The following CSMD3 variants were observed in gnomAD, a reference collection of about 807,000 sequenced individuals.
The protein encoded by CSMD3 is CUB and sushi domain-containing protein 3.
CSMD3 carries 177 observed loss-of-function variants against 435.2 expected under a neutral mutation model. That is an observed-to-expected ratio of 0.41 (90% confidence interval 0.36 to 0.46). CSMD3 has a LOEUF of 0.46. Ranked by LOEUF, CSMD3 falls within the 20% of genes least tolerant of loss-of-function variation. CSMD3 has a pLI of 0.34. For synonymous variants in CSMD3, 1,656 were observed against 1,520.5 expected (o/e 1.09, Z -2.07); for missense variants, 4,265 against 4,504.6 (o/e 0.95, Z 1.52).
intron 23 of CSMD3, among the ~76,000 whole-genome samples, chr8:112,586,210 C>G (rs1287038176): frequency 6.6e-6 from 1 of 151,054 alleles, no homozygotes; most frequent in Non-Finnish European, 1.5e-5. Context: ...CCTGCTGCAG[C>G]CAATTTGGAA....
intron 6 of CSMD3, among the ~76,000 whole-genome samples, chr8:112,997,465 T>C (rs1409151969): frequency 1.3e-5 from 2 of 151,750 alleles, no homozygotes; most frequent in African/African-American, 2.4e-5. Context: ...TTTAGTTGTA[T>C]AAAAATTTAT....
intron 5 of CSMD3, among the ~76,000 whole-genome samples, chr8:113,038,326 A>C (rs1587942137): frequency 6.6e-6 from 1 of 152,312 alleles, no homozygotes; most frequent in South Asian, 2.1e-4. Context: ...GCTTATATTG[A>C]GGTATTTTTT....
At chr8:113,265,039 C>T (rs2093458161) in intron 3 of CSMD3, among the ~76,000 whole-genome samples, 1 of 151,580 alleles carries the variant, frequency 6.6e-6, no homozygotes, top group African/African-American at 2.4e-5. Flanking sequence ...CTTCTCACAG[C>T]CTACTGTGAG....
intron 3 of CSMD3, among the ~76,000 whole-genome samples, chr8:113,184,347 A>T (rs1376464574): frequency 6.6e-6 from 1 of 151,966 alleles, no homozygotes; most frequent in Non-Finnish European, 1.5e-5. Flanking sequence ...ATTGGTAATC[A>T]ACTTAACCTT....
chr8:113,202,296 T>C (rs530652657), intron 3 of CSMD3, among the ~76,000 whole-genome samples: 1 of 152,260 alleles, frequency 6.6e-6, no homozygotes, highest in Non-Finnish European at 1.5e-5. Flanking sequence ...TATAGTTCTC[T>C]AACTCTGAAA....
chr8:112,405,213 C>CAAAA (rs1439544983), intron 35 of CSMD3, among the ~76,000 whole-genome samples: 1 of 17,892 alleles, frequency 5.6e-5, no homozygotes, highest in Non-Finnish European at 9.2e-5. Context: ...AAAAAAACCC[C>CAAAA]CATATATATA....
chr8:113,220,051 C>G (rs1041911453), intron 3 of CSMD3, among the ~76,000 whole-genome samples: 8 of 151,334 alleles, frequency 5.3e-5, no homozygotes, highest in African/African-American at 1.9e-4. Context: ...AATAGACACA[C>G]AAATTTGACT....
At chr8:112,347,947 A>G (rs1177520787) in intron 40 of CSMD3, among the ~76,000 whole-genome samples, 1 of 152,178 alleles carries the variant, frequency 6.6e-6, no homozygotes, top group Admixed American at 6.5e-5. Context: ...TGTCCTTCTA[A>G]TTCTGTTACT....
At chr8:113,237,922 A>C (rs1266745997) in intron 3 of CSMD3, among the ~76,000 whole-genome samples, 1 of 152,054 alleles carries the variant, frequency 6.6e-6, no homozygotes, top group Non-Finnish European at 1.5e-5. Context: ...TAAAAGTACA[A>C]AAATTAGCCA....
intron 13 of CSMD3, among the ~76,000 whole-genome samples, chr8:112,753,986 G>T (rs959339612): frequency 7.0e-6 from 1 of 142,002 alleles, no homozygotes; most frequent in Non-Finnish European, 1.6e-5. Context: ...GAATGGAGCT[G>T]TGTGGCTAGA....
At chr8:113,098,235 G>A (rs954692090) in intron 5 of CSMD3, among the ~76,000 whole-genome samples, 2 of 151,838 alleles carry the variant, frequency 1.3e-5, no homozygotes, top group Non-Finnish European at 1.5e-5. Flanking sequence ...TCTACTCAAT[G>A]ATATAATTAG....
At chr8:112,350,340 A>G (rs1826025093) in intron 40 of CSMD3, among the ~76,000 whole-genome samples, 1 of 142,356 alleles carries the variant, frequency 7.0e-6, no homozygotes, top group Non-Finnish European at 1.5e-5. Flanking sequence ...TTCTTCCTCC[A>G]TGTGTCTTAA....
At chr8:113,257,360 A>T (rs2093390775) in intron 3 of CSMD3, among the ~76,000 whole-genome samples, 1 of 152,246 alleles carries the variant, frequency 6.6e-6, no homozygotes, top group African/African-American at 2.4e-5. Flanking sequence ...GCAGTGAGCC[A>T]AGATGGCACC....
chr8:112,553,558 G>C (rs1198344368), intron 25 of CSMD3, among the ~76,000 whole-genome samples: 1 of 151,944 alleles, frequency 6.6e-6, no homozygotes. Context: ...TGAATCTTTT[G>C]TGATAGTTCT....
intron 13 of CSMD3, among the ~76,000 whole-genome samples, chr8:112,697,465 A>G (rs1045674136): frequency 6.6e-6 from 1 of 152,084 alleles, no homozygotes; most frequent in Non-Finnish European, 1.5e-5. Flanking sequence ...TGTTTGCATC[A>G]TTCTCAGCAA....
intron 1 of CSMD3, among the ~76,000 whole-genome samples, chr8:113,329,471 A>G (rs966745978): frequency 6.6e-6 from 1 of 152,170 alleles, no homozygotes; most frequent in African/African-American, 2.4e-5. Flanking sequence ...AAAATAATGA[A>G]CATGAATAAG....
At chr8:112,341,986 AC>A (rs1234630244) in intron 41 of CSMD3, among the ~76,000 whole-genome samples, 1 of 152,142 alleles carries the variant, frequency 6.6e-6, no homozygotes, top group Non-Finnish European at 1.5e-5. Flanking sequence ...ATTCTTTAAT[AC>A]GCTTTAAATT....
chr8:113,065,112 T>A (rs994454764), intron 5 of CSMD3, among the ~76,000 whole-genome samples: 3 of 152,186 alleles, frequency 2.0e-5, no homozygotes, highest in African/African-American at 7.2e-5. Context: ...GCTAATTAGG[T>A]ATAAATGTAT....
At position 112,492,504 on chromosome 8, in the gene CSMD3, A is replaced by G; in HGVS notation, c.5263T>C (p.Leu1755=). The stretch of plus-strand genomic sequence containing the variant: ...TGTTCCTTACCATGACAACTTGGCA[A>G]GGCTCTATTCCATCCAGGTCTTCCA... The part of the protein sequence containing the change: ...DDGRPGWNRA[L]PSCHAPCGSR... The change falls in exon 31 of 71, where the codon TTG becomes CTG. Residue 1755 remains leucine, a synonymous_variant. Transcript: ENST00000297405. 1 of 1,613,864 alleles carries G rather than the reference A, an allele frequency of 6.2e-7. No homozygotes were observed. The highest frequency in any genetic ancestry group is 1.7e-5 in the Admixed American group (1 of 60,022).
Sources: allele counts gnomAD v4.1 joint callset (sites outside exome capture counted in the v4.1 genomes callset), GRCh38; gene constraint gnomAD v4.1.1; transcripts MANE v1.5; gene names NCBI Gene and HGNC (gene_info 2026-07-23, HGNC 2026-07-21).